The following CPAMD8 variants were observed in gnomAD, a reference collection of about 807,000 sequenced individuals.
CPAMD8 encodes C3 and PZP like alpha-2-macroglobulin domain containing 8, also known as C3 and PZP-like alpha-2-macroglobulin domain-containing protein 8.
Under a neutral mutation model 224.7 loss-of-function variants are expected in CPAMD8, and 146 were observed. The ratio of observed to expected loss-of-function variants is 0.65; its 90% CI spans 0.57 to 0.75. The LOEUF is 0.75. Ranked by LOEUF, CPAMD8 falls within the 30% of genes least tolerant of loss-of-function variation. The pLI is 0.00. For missense variants in CPAMD8, 2,301 were observed against 2,537.5 expected (o/e 0.91, Z 2.00); for synonymous variants, 966 against 1,044.6 (o/e 0.92, Z 1.45).
rs542963911 is a variant in CPAMD8, at chr19:16,943,525, C to T, written c.2793+2024G>A. ...TCAAGCCATCCTCCTGCCTCAGCCTCCCAAAGCACAAGGATTACAGGTGTG... is the reference window on the plus strand; with the variant it reads ...TCAAGCCATCCTCCTGCCTCAGCCTTCCAAAGCACAAGGATTACAGGTGTG... On this transcript the variant is annotated intron_variant, in intron 22 of 41. Transcript: ENST00000443236. Among the ~76,000 whole-genome samples, 37 of 152,284 alleles carry T rather than the reference C, an allele frequency of 2.4e-4. No homozygotes were observed. In the South Asian group the frequency reaches 7.7e-3, roughly 32 times the overall value.
chr19:16,999,830 GTTTTTTGTTTGTT>G (rs2056254627), intron 10 of CPAMD8, among the ~76,000 whole-genome samples: 2 of 151,954 alleles, frequency 1.3e-5, no homozygotes, highest in South Asian at 4.2e-4. Context: ...GTGTTTTTTT[GTTTTTTGTTTGTT>G]TTTTGAGATG....
chr19:17,024,189 C>T (rs919210416), intron 1 of CPAMD8, among the ~76,000 whole-genome samples: 1 of 152,170 alleles, frequency 6.6e-6, no homozygotes, highest in Non-Finnish European at 1.5e-5. Flanking sequence ...TTGTTTCATG[C>T]ACACGAACAA....
At position 16,939,929 on chromosome 19, in the gene CPAMD8, T is replaced by C. The variant is rs541939701; in HGVS notation, c.2794-1483A>G. Among the ~76,000 whole-genome samples the C allele has an allele frequency of 1.4e-3, 214 of 152,182 alleles. 1 individual carries two copies. Among genetic ancestry groups the C allele is most frequent in the African/African-American group, 5.0e-3 (209 of 41,510 alleles). On this transcript the variant is annotated intron_variant, in intron 22 of 41. Transcript: ENST00000443236. ...TTTTTTGTTTTTGTTTTTGTTTTTT[T>C]TTAGATGGAGTCTCACTCTGTTGCC...
chr19:16,951,304 A>C (rs988852529), intron 20 of CPAMD8, among the ~76,000 whole-genome samples: 1 of 151,998 alleles, frequency 6.6e-6, no homozygotes, highest in Non-Finnish European at 1.5e-5. Context: ...CGGATCCACC[A>C]CCTGTCTTTT....
chr19:16,986,046 C>T (rs2055708120), intron 13 of CPAMD8, among the ~76,000 whole-genome samples: 2 of 152,030 alleles, frequency 1.3e-5, no homozygotes, highest in African/African-American at 4.8e-5. Flanking sequence ...AAACCTTTCT[C>T]CTCTTCTTTA....
intron 9 of CPAMD8, among the ~76,000 whole-genome samples, chr19:17,001,881 G>A (rs965869560): frequency 6.6e-6 from 1 of 151,032 alleles, no homozygotes. Flanking sequence ...GGAGGGGCAC[G>A]GGAAAGGATG....
In CPAMD8 at chr19:17,022,021, G is replaced by T; in HGVS notation, c.244+9C>A. 1.3e-6 allele frequency: 2 copies of T among 1,591,926 alleles called. No individual in the cohort carries two copies. The highest frequency in any genetic ancestry group is 8.6e-7 in the Non-Finnish European group (1 of 1,169,214). On this transcript the variant is annotated intron_variant, in intron 2 of 41. Transcript: ENST00000443236. ...GGGGAAGTCCTGGTCTGGCACCCAA[G>T]GGACCTACCCAGGATGGCTCCCTGG...
At chr19:16,906,354 CT>C (rs1301499865) in intron 30 of CPAMD8, among the ~76,000 whole-genome samples, 1 of 32,048 alleles carries the variant, frequency 3.1e-5, no homozygotes, top group African/African-American at 1.2e-4. Flanking sequence ...TTCTTTCTTT[CT>C]TTCTTTCTTT....
At chr19:16,974,192 C>G (rs566868507) in intron 17 of CPAMD8, among the ~76,000 whole-genome samples, 1 of 151,044 alleles carries the variant, frequency 6.6e-6, no homozygotes, top group Non-Finnish European at 1.5e-5. Context: ...AGTGCAGTGG[C>G]GCAATCTTGG....
At chr19:17,014,092 G>A (rs375700334) in intron 3 of CPAMD8, among the ~76,000 whole-genome samples, 33 of 144,648 alleles carry the variant, frequency 2.3e-4, no homozygotes, top group South Asian at 4.7e-4. Flanking sequence ...TTGCTCTGTC[G>A]CCAGACTGGA....
intron 18 of CPAMD8, among the ~76,000 whole-genome samples, chr19:16,969,841 T>C (rs1326832274): frequency 7.6e-6 from 1 of 130,824 alleles, no homozygotes; most frequent in Non-Finnish European, 1.5e-5. Flanking sequence ...ACCACTGCAC[T>C]CCAGCCTGGG....
chr19:16,945,621 G>T lies in CPAMD8; in HGVS notation c.2721C>A (p.His907Gln), dbSNP rs1237425926. 5.0e-6 allele frequency: 8 copies of T among 1,614,050 alleles called. No individual in the cohort carries two copies. Among genetic ancestry groups the T allele is most frequent in the Non-Finnish European group, 6.8e-6 (8 of 1,180,012 alleles). The change falls in exon 22 of 42, where the codon CAC (histidine) becomes CAA (glutamine). Residue 907 changes from histidine to glutamine, a missense_variant. By Grantham distance (24) the His-to-Gln change is conservative. Coordinates refer to ENST00000443236, the MANE Select transcript of CPAMD8 (RefSeq NM_015692.5). ...TCCTGTCGGCGTGATTCTCCTCAGG[G>T]TGTTTGCTGGACCTCCCATCCCGGC... ...NCCRDGRSSKHPEENHADRRV... is the reference protein window; with the variant it reads ...NCCRDGRSSKQPEENHADRRV...
chr19:16,899,805 T>A lies in CPAMD8; in HGVS notation c.4774-256A>T, dbSNP rs1311934266. Among the ~76,000 whole-genome samples the A allele has an allele frequency of 2.0e-5, 3 of 151,802 alleles. No homozygotes were observed. The highest frequency in any genetic ancestry group is 7.3e-5 in the African/African-American group (3 of 41,302). On this transcript the variant is annotated intron_variant, in intron 36 of 41. Transcript: ENST00000443236. The surrounding 1 kb of genome is among the most constrained non-coding windows in gnomAD (Gnocchi z 5.4). ...CCCTCAACCCAGCCCCAAGCCCAGG[T>A]CAGGCTTCTCCGTGGCCAAAGAGGT... is the stretch of plus-strand genomic sequence containing the variant.
chr19:16,990,863 CA>C (rs3067791), intron 12 of CPAMD8, among the ~76,000 whole-genome samples: 681 of 73,072 alleles, frequency 9.3e-3, no homozygotes, highest in Non-Finnish European at 0.012. Context: ...AACTCTGTCT[CA>C]AAAAAAAAAA....
chr19:16,899,885 C>T lies in CPAMD8; in HGVS notation c.4774-336G>A, dbSNP rs1038238105. On this transcript the variant is annotated intron_variant, in intron 36 of 41. Coordinates refer to ENST00000443236, the MANE Select transcript of CPAMD8 (RefSeq NM_015692.5). The surrounding 1 kb of genome is among the most constrained non-coding windows in gnomAD (Gnocchi z 5.4). ...TCTCAGCTGCACTGTTCAAGTTCCC[C>T]TCCCAGCCTGGGATTTTTTTTTTTT... 1.3e-5 allele frequency among the ~76,000 whole-genome samples: 2 copies of T among 151,278 alleles called. No homozygotes were observed. Among genetic ancestry groups the T allele is most frequent in the African/African-American group, 2.4e-5 (1 of 41,138 alleles).
intron 2 of CPAMD8, among the ~76,000 whole-genome samples, chr19:17,021,438 G>A (rs1171574446): frequency 2.0e-5 from 3 of 152,150 alleles, no homozygotes; most frequent in Non-Finnish European, 2.9e-5. Flanking sequence ...TGGAGCCCCT[G>A]GCCTTCTCTG....
intron 21 of CPAMD8, among the ~76,000 whole-genome samples, 154 bp downstream of exon 21, chr19:16,946,920 T>G (rs934063673): frequency 6.6e-6 from 1 of 152,154 alleles, no homozygotes; most frequent in Non-Finnish European, 1.5e-5. Flanking sequence ...CCATTCCTTC[T>G]GTCCTGCTTG....
intron 20 of CPAMD8, among the ~76,000 whole-genome samples, chr19:16,950,294 T>C (rs2054257215): frequency 6.6e-6 from 1 of 151,762 alleles, no homozygotes; most frequent in Admixed American, 6.6e-5. Context: ...CGAGATCCTA[T>C]CTCAAATAAA....
chr19:17,015,618 G>A (rs746359188), intron 3 of CPAMD8, among the ~76,000 whole-genome samples: 8 of 152,088 alleles, frequency 5.3e-5, no homozygotes, highest in Admixed American at 2.0e-4. Context: ...CAGTTTCCCC[G>A]TCAAGACCAA....
Sources: gnomAD v4.1 joint callset for allele counts (sites outside exome capture counted in the v4.1 genomes callset) on GRCh38, gnomAD v4.1.1 for gene constraint, Gnocchi (gnomAD v3.1) non-coding constraint, MANE v1.5 for transcripts, NCBI Gene and HGNC (gene_info 2026-07-23, HGNC 2026-07-21) for gene names.